Variants in IDO2 observed in about 807,000 individuals in gnomAD.
IDO2 encodes the protein indoleamine 2,3-dioxygenase-like 1 protein.
A neutral mutation model predicts 45.1 loss-of-function variants in IDO2; 46 were observed. The observed-to-expected ratio is 1.02, with a 90% CI of 0.80 to 1.30. The LOEUF (loss-of-function observed/expected upper bound fraction) is 1.30, where lower values mean the gene tolerates loss of function less well. Ranked by LOEUF, IDO2 falls within the 50% of genes most tolerant of loss-of-function variation. The pLI, the probability that IDO2 is intolerant of heterozygous loss-of-function variation, is 0.00. For synonymous variants in IDO2, 218 were observed against 184.9 expected, an observed-to-expected ratio of 1.18 and a Z score of -1.45; for missense variants, 544 against 491.8, an observed-to-expected ratio of 1.11 and a Z score of -1.00.
chr8:39,985,463 T>G, intron 5 of IDO2, 45 bp from the exon 6 acceptor site: 1 of 1,495,094 alleles, frequency 6.7e-7, no homozygotes, highest in Non-Finnish European at 9.1e-7. Context: ...TGTTCTTTTA[T>G]TTTTTTTCTC....
chr8:39,949,394 G>A (rs1313010743), intron 2 of IDO2, 130 bp downstream of exon 2: 8 of 646,730 alleles, frequency 1.2e-5, no homozygotes, highest in Non-Finnish European at 2.1e-5. Context: ...TGAGAAAGAT[G>A]CTACAAAGAG....
intron 8 of IDO2, among the ~76,000 whole-genome samples, chr8:39,990,364 G>T (rs1038401453): frequency 3.9e-5 from 6 of 152,174 alleles, no homozygotes; most frequent in Admixed American, 6.5e-5. Context: ...AATCAAAATG[G>T]AGTCACTTGT....
At chr8:39,964,929 T>A (rs905227754) in intron 3 of IDO2, among the ~76,000 whole-genome samples, 1 of 152,100 alleles carries the variant, frequency 6.6e-6, no homozygotes, top group Admixed American at 6.5e-5. Flanking sequence ...TCCCCATGAG[T>A]CCCCTTTTCC....
intron 1 of IDO2, among the ~76,000 whole-genome samples, chr8:39,940,380 T>C (rs755559506): frequency 3.9e-5 from 6 of 152,288 alleles, no homozygotes; most frequent in Non-Finnish European, 8.8e-5. Context: ...TGGATATGGG[T>C]TCTGTTTTCA....
intron 3 of IDO2, among the ~76,000 whole-genome samples, chr8:39,971,268 T>C (rs960969985): frequency 6.6e-6 from 1 of 152,178 alleles, no homozygotes; most frequent in South Asian, 2.1e-4. Flanking sequence ...TGATGGCATA[T>C]CTATTTACAG....
chr8:39,966,026 C>CTTT (rs59731560), intron 3 of IDO2, among the ~76,000 whole-genome samples: 2,847 of 96,536 alleles, frequency 0.029, 131 homozygotes, highest in African/African-American at 0.05. Flanking sequence ...TCTATCGCTT[C>CTTT]TTTTTTTTTT....
At chr8:39,998,083 C>T (rs917170443) in intron 8 of IDO2, 1 of 225,206 alleles carries the variant, frequency 4.4e-6, no homozygotes, top group Non-Finnish European at 9.4e-6. Context: ...GGGATAATTT[C>T]AGAGGTTCCA....
intron 6 of IDO2, chr8:39,986,881 A>ATTATT (rs1808434554): frequency 6.7e-6 from 1 of 150,118 alleles, no homozygotes; most frequent in African/African-American, 2.4e-5. Context: ...TATTATTATT[A>ATTATT]TTATTATTAT....
intron 2 of IDO2, among the ~76,000 whole-genome samples, chr8:39,956,168 C>T (rs1389476595): frequency 6.6e-6 from 1 of 151,406 alleles, no homozygotes; most frequent in Non-Finnish European, 1.5e-5. Context: ...AAGAGAGTCT[C>T]TCGACTCAGC....
intron 3 of IDO2, among the ~76,000 whole-genome samples, chr8:39,965,379 T>C (rs891562012): frequency 6.6e-6 from 1 of 151,992 alleles, no homozygotes; most frequent in Non-Finnish European, 1.5e-5. Flanking sequence ...CCCAGCTATT[T>C]GGGAGGCTGG....
chr8:40,016,250 A>G, exon 11 of IDO2: 1 of 398,354 alleles, frequency 2.5e-6, no homozygotes, highest in Non-Finnish European at 4.4e-6. Flanking sequence ...CTTTATTTTT[A>G]GAAGAATTAT....
chr8:39,993,680 T>C (rs548846927), intron 8 of IDO2, among the ~76,000 whole-genome samples: 24 of 152,332 alleles, frequency 1.6e-4, no homozygotes, highest in Middle Eastern at 3.4e-3. Context: ...AATAAAATCA[T>C]ACAAACATCT....
intron 6 of IDO2, 63 bp from the exon 7 acceptor site, chr8:39,987,807 TG>T (rs780240952): frequency 2.1e-6 from 2 of 935,052 alleles, no homozygotes; most frequent in Non-Finnish European, 3.4e-6. Flanking sequence ...CAGGGAACTC[TG>T]GGCAGTGAGT....
chr8:39,980,691 G>A (rs1808329314), intron 4 of IDO2, among the ~76,000 whole-genome samples: 1 of 152,152 alleles, frequency 6.6e-6, no homozygotes, highest in African/African-American at 2.4e-5. Context: ...GAGACTCAGG[G>A]AAGAGGAAAA....
chr8:39,979,783 C>T (rs893426170), intron 4 of IDO2, among the ~76,000 whole-genome samples: 1 of 152,128 alleles, frequency 6.6e-6, no homozygotes, highest in Non-Finnish European at 1.5e-5. Context: ...TTTTGGCACT[C>T]TCTTCCAAGA....
At chr8:39,940,080 CGAAA>C (rs1379169041) in intron 1 of IDO2, among the ~76,000 whole-genome samples, 1 of 152,098 alleles carries the variant, frequency 6.6e-6, no homozygotes, top group Admixed American at 6.6e-5. Context: ...CTTACTGTTA[CGAAA>C]GAAAGTTTCT....
intron 8 of IDO2, among the ~76,000 whole-genome samples, chr8:39,994,197 A>G (rs1295079292): frequency 1.3e-5 from 2 of 151,744 alleles, no homozygotes; most frequent in African/African-American, 4.8e-5. Flanking sequence ...ATTTTGCTTA[A>G]TTTCTTCCCT....
chr8:39,982,257 T>C (rs1226546165), intron 4 of IDO2, among the ~76,000 whole-genome samples: 5 of 151,510 alleles, frequency 3.3e-5, no homozygotes, highest in African/African-American at 1.2e-4. Flanking sequence ...TATATATGTA[T>C]ATATATATTT....
exon 3 of IDO2, chr8:39,963,672 A>T (rs373143206): frequency 6.2e-7 from 1 of 1,611,604 alleles, no homozygotes; most frequent in African/African-American, 1.3e-5. Flanking sequence ...CAATTGATTG[A>T]TGCTCACCAG....
Sources: allele counts gnomAD v4.1 joint callset (sites outside exome capture counted in the v4.1 genomes callset), GRCh38; gene constraint gnomAD v4.1.1; transcripts MANE v1.5; gene names NCBI Gene and HGNC (gene_info 2026-07-23, HGNC 2026-07-21).